Variants in RPS6KC1 observed in about 807,000 individuals in gnomAD.
The protein encoded by RPS6KC1 is ribosomal protein S6 kinase C1.
A neutral mutation model predicts 103.8 loss-of-function variants in RPS6KC1; 54 were observed. The observed-to-expected ratio is 0.52, with a 90% CI of 0.42 to 0.65. RPS6KC1 has a LOEUF of 0.65. RPS6KC1 is among the 30% of genes least tolerant of loss of function. The pLI, the probability that RPS6KC1 is intolerant of heterozygous loss-of-function variation, is 0.00. For missense variants in RPS6KC1, 1,151 were observed against 1,253.8 expected, an observed-to-expected ratio of 0.92 and a Z score of 1.24; for synonymous variants, 439 against 438.7, an observed-to-expected ratio of 1.00 and a Z score of -0.01.
At chr1:213,332,717 A>G in the RPS6KC1 span, among the ~76,000 whole-genome samples, 1 of 152,092 alleles carries the variant, frequency 6.6e-6, no homozygotes, top group African/African-American at 2.4e-5. Flanking sequence ...CTCTGCCCTG[A>G]CCACAGATCA....
At chr1:213,323,775 C>T in the RPS6KC1 span, among the ~76,000 whole-genome samples, 2 of 152,094 alleles carry the variant, frequency 1.3e-5, no homozygotes, top group Non-Finnish European at 1.5e-5. Context: ...TTCATTTACT[C>T]CGTGACCCTA....
At chr1:213,214,263 G>A (rs1004711719) in intron 8 of RPS6KC1, among the ~76,000 whole-genome samples, 7 of 152,352 alleles carry the variant, frequency 4.6e-5, no homozygotes, top group Admixed American at 2.6e-4. Context: ...CTACGTACAC[G>A]GAGCTTCGCT....
At chr1:213,296,287 G>T in the RPS6KC1 span, among the ~76,000 whole-genome samples, 4 of 152,336 alleles carry the variant, frequency 2.6e-5, no homozygotes, top group South Asian at 8.3e-4. Context: ...TACACACCCA[G>T]ATTGTTGCTG....
intron 1 of RPS6KC1, among the ~76,000 whole-genome samples, chr1:213,067,244 C>T (rs1416470728): frequency 6.6e-6 from 1 of 152,204 alleles, no homozygotes; most frequent in Non-Finnish European, 1.5e-5. Flanking sequence ...GGATCCTCAA[C>T]CTTAGCAAAA....
chr1:213,617,125 T>C, the RPS6KC1 span, among the ~76,000 whole-genome samples: 1 of 152,194 alleles, frequency 6.6e-6, no homozygotes, highest in Non-Finnish European at 1.5e-5. Context: ...CCCTATCTCC[T>C]AAGACAAAAT....
chr1:213,822,968 C>A, the RPS6KC1 span, among the ~76,000 whole-genome samples: 1 of 152,146 alleles, frequency 6.6e-6, no homozygotes, highest in Non-Finnish European at 1.5e-5. Context: ...TTCTGTCCAG[C>A]CCAAATACTC....
chr1:213,240,350 A>G (rs2094323026), intron 10 of RPS6KC1, among the ~76,000 whole-genome samples: 1 of 152,130 alleles, frequency 6.6e-6, no homozygotes, highest in Admixed American at 6.5e-5. Context: ...TATAAACAGA[A>G]CAGAACATAA....
chr1:213,833,310 T>C, the RPS6KC1 span, among the ~76,000 whole-genome samples: 1 of 152,146 alleles, frequency 6.6e-6, no homozygotes, highest in African/African-American at 2.4e-5. Context: ...GTGTACCCCA[T>C]GGATATCCAG....
rs191199238 is a variant in RPS6KC1 at position 213,076,591 on chromosome 1, T to C, written c.142-1105T>C. ...TGAATCTGTGATATCAAGGCCATGTTTCAAATCCTTTTTCTTTACAAAGTG... is the reference window on the plus strand; with the variant it reads ...TGAATCTGTGATATCAAGGCCATGTCTCAAATCCTTTTTCTTTACAAAGTG... On this transcript the variant is annotated intron_variant, in intron 2 of 14. Coordinates refer to ENST00000366960, the MANE Select transcript of RPS6KC1 (RefSeq NM_012424.6). Among the ~76,000 whole-genome samples, 527 of 152,176 alleles carry C rather than the reference T, an allele frequency of 3.5e-3. 5 individuals are homozygous for C. The highest frequency in any genetic ancestry group is 0.012 in the African/African-American group (508 of 41,510).
chr1:213,706,790 C>G, the RPS6KC1 span, among the ~76,000 whole-genome samples: 3 of 152,050 alleles, frequency 2.0e-5, no homozygotes, highest in Admixed American at 2.0e-4. Context: ...TGAGTGAGAA[C>G]ATGAGGTGTT....
chr1:213,446,861 A>G, the RPS6KC1 span, among the ~76,000 whole-genome samples: 5 of 152,328 alleles, frequency 3.3e-5, no homozygotes, highest in Admixed American at 3.3e-4. Flanking sequence ...CCACTCGGAT[A>G]CATCACATCT....
chr1:213,250,631 A>G (rs1573601278), intron 12 of RPS6KC1, among the ~76,000 whole-genome samples: 1 of 152,300 alleles, frequency 6.6e-6, no homozygotes, highest in Non-Finnish European at 1.5e-5. Context: ...GACTCATTTC[A>G]AGTACAAGGT....
At chr1:213,707,980 C>T in the RPS6KC1 span, among the ~76,000 whole-genome samples, 3 of 152,156 alleles carry the variant, frequency 2.0e-5, no homozygotes, top group Non-Finnish European at 4.4e-5. Flanking sequence ...TAGCATGATG[C>T]CTCCAAGTTT....
At chr1:213,091,342 G>A (rs527747266) in intron 3 of RPS6KC1, among the ~76,000 whole-genome samples, 238 of 152,036 alleles carry the variant, frequency 1.6e-3, no homozygotes, top group African/African-American at 5.6e-3. Flanking sequence ...TTACAGGGGT[G>A]AGCCACCGCG....
At chr1:213,786,085 G>A in the RPS6KC1 span, among the ~76,000 whole-genome samples, 1 of 152,074 alleles carries the variant, frequency 6.6e-6, no homozygotes, top group South Asian at 2.1e-4. Context: ...AAGGAAGTGA[G>A]GATGGGAATA....
rs781658039 is a variant in RPS6KC1 at position 213,262,704 on chromosome 1, CTGAT to C, written c.2995-10_2995-7del. The C allele has an allele frequency of 3.4e-5, 50 of 1,482,998 alleles. No homozygotes were observed. The highest frequency in any genetic ancestry group is 4.3e-5 in the Non-Finnish European group (46 of 1,060,522). 91.9% of individuals were successfully genotyped at this position (1,482,998 alleles called of 1,614,324 possible). ...ATGTTATTTGGGATAAGAAGTGTAC[CTGAT>C]TGATTGTTTCAGACTCTGGTTGAAT... is the stretch of plus-strand genomic sequence containing the variant. On this transcript the variant is annotated splice_polypyrimidine_tract_variant and intron_variant, in intron 13 of 14. Transcript: ENST00000366960.
At chr1:213,592,566 C>A in the RPS6KC1 span, among the ~76,000 whole-genome samples, 1 of 152,292 alleles carries the variant, frequency 6.6e-6, no homozygotes, top group Non-Finnish European at 1.5e-5. Flanking sequence ...TCCGTTGTAC[C>A]TTATTCATGT....
the RPS6KC1 span, among the ~76,000 whole-genome samples, chr1:213,669,635 CTG>C: frequency 6.6e-6 from 1 of 152,134 alleles, no homozygotes; most frequent in Admixed American, 6.5e-5. Flanking sequence ...AATCTTCAAT[CTG>C]TAAAAAACAC....
chr1:213,531,840 A>C, the RPS6KC1 span, among the ~76,000 whole-genome samples: 1 of 152,230 alleles, frequency 6.6e-6, no homozygotes, highest in Admixed American at 6.5e-5. Context: ...GCACAGACTA[A>C]CATTAGAGGA....
Sources: allele counts gnomAD v4.1 joint callset (sites outside exome capture counted in the v4.1 genomes callset), GRCh38; gene constraint gnomAD v4.1.1; transcripts MANE v1.5; gene names NCBI Gene and HGNC (gene_info 2026-07-23, HGNC 2026-07-21).